Variants in ZFC3H1 observed in about 807,000 individuals in gnomAD.
The protein encoded by ZFC3H1 is zinc finger C3H1 domain-containing protein.
In ZFC3H1, 71 loss-of-function variants were observed where a neutral mutation model predicts 243.7. The ratio of observed to expected loss-of-function variants is 0.29; its 90% CI spans 0.24 to 0.36. The LOEUF is 0.36. Ranked by LOEUF, ZFC3H1 falls within the 10% of genes least tolerant of loss-of-function variation. The probability of loss-of-function intolerance (pLI) is 1.00; values close to 1 mark genes in which losing one functional copy is unlikely to be tolerated. For missense variants in ZFC3H1, 1,966 were observed against 2,317.1 expected (o/e 0.85, Z 3.11); for synonymous variants, 838 against 813.0 (o/e 1.03, Z -0.52).
chr12:71,610,821 ATC>A, intron 33 of ZFC3H1, 64 bp from the exon 34 acceptor site: 1 of 1,523,502 alleles, frequency 6.6e-7, no homozygotes, highest in Non-Finnish European at 9.0e-7. Flanking sequence ...TCATAATTCC[ATC>A]TGTTTAAAGA....
intron 2 of ZFC3H1, among the ~76,000 whole-genome samples, chr12:71,652,153 T>C (rs1457104345): frequency 6.6e-6 from 1 of 152,218 alleles, no homozygotes; most frequent in African/African-American, 2.4e-5. Context: ...CAGTAGAGTC[T>C]TGCTGAGGAT....
intron 2 of ZFC3H1, among the ~76,000 whole-genome samples, chr12:71,652,314 T>C (rs1880910031): frequency 6.6e-6 from 1 of 152,240 alleles, no homozygotes; most frequent in African/African-American, 2.4e-5. Flanking sequence ...ATTTTCTTGC[T>C]TAAAAATATT....
Position 71,631,867 on chromosome 12 carries a change from A to G in ZFC3H1, c.3381T>C (p.Asp1127=), listed in dbSNP as rs1880331655. ...LHGQEISVDV[D]FVTAQSKTME... The stretch of plus-strand genomic sequence containing the variant: ...TTGTTTTACTTTGTGCTGTGACAAA[A>G]TCCACATCTACAGAAATCTCCTGCA... Residue 1127 remains aspartate (D), a synonymous_variant, in exon 16 of 35, where the codon GAT becomes GAC. Transcript: ENST00000378743. 1 of 1,613,700 alleles carries G rather than the reference A, an allele frequency of 6.2e-7. No homozygotes were observed. Among genetic ancestry groups the G allele is most frequent in the South Asian group, 1.1e-5 (1 of 91,022 alleles).
chr12:71,633,161 T>C, intron 13 of ZFC3H1, 103 bp downstream of exon 13: 1 of 1,395,498 alleles, frequency 7.2e-7, no homozygotes, highest in Non-Finnish European at 9.6e-7. Flanking sequence ...CTATAGGTTA[T>C]GCATATTTTG....
chr12:71,644,979 C>T lies in ZFC3H1; in HGVS notation c.1177G>A (p.Val393Met). The T allele has an allele frequency of 5.0e-6, 8 of 1,613,630 alleles. No homozygotes were observed. Among genetic ancestry groups the T allele is most frequent in the Non-Finnish European group, 6.8e-6 (8 of 1,180,018 alleles). ...AACTTTTCTTTGCTTTCTTTCATCA[C>T]CTGCTGTTCTTTTTGTTGCCATTTT... ...SKKWQQKEQQ[V>M]MKESKEKLTK... Residue 393 changes from valine to methionine, a missense_variant, in exon 4 of 35, where the codon GTG becomes ATG. Physicochemically the swap from Val to Met is conservative, Grantham distance 21. Around this residue, in one of 4 missense-constraint regions of ZFC3H1, gnomAD observed 91 missense variants for 107.6 expected, o/e 0.85. Coordinates refer to ENST00000378743, the MANE Select transcript of ZFC3H1 (RefSeq NM_144982.5).
intron 3 of ZFC3H1, among the ~76,000 whole-genome samples, chr12:71,645,514 T>G (rs1000002241): frequency 1.3e-5 from 2 of 152,208 alleles, no homozygotes; most frequent in African/African-American, 4.8e-5. Context: ...TCACCAGTAA[T>G]AGAGAACAAC....
At position 71,626,327 on chromosome 12, in the gene ZFC3H1, T is replaced by C. The variant is rs1880165921; in HGVS notation, c.4250A>G (p.Lys1417Arg). The C allele has an allele frequency of 1.9e-6, 3 of 1,614,100 alleles. No homozygotes were observed. Among genetic ancestry groups the C allele is most frequent in the African/African-American group, 2.7e-5 (2 of 75,042 alleles). The part of the protein sequence containing the change: ...YLRLFSKRGT[K>R]DEVQEMCETA... The stretch of plus-strand genomic sequence containing the variant: ...TTCACACATTTCCTGCACCTCGTCC[T>C]TGGTTCCTCTTTTTGAGAACAATCT... Residue 1417 changes from lysine to arginine, a missense_variant, in exon 22 of 35, where the codon AAG becomes AGG. Around this residue, in one of 4 missense-constraint regions of ZFC3H1, gnomAD observed 1,383 missense variants for 1,723.7 expected, o/e 0.80. Coordinates refer to ENST00000378743, the MANE Select transcript of ZFC3H1 (RefSeq NM_144982.5).
intron 2 of ZFC3H1, among the ~76,000 whole-genome samples, chr12:71,654,935 G>C (rs946735160): frequency 1.3e-5 from 2 of 152,050 alleles, no homozygotes; most frequent in African/African-American, 4.8e-5. Context: ...AAACATCAGA[G>C]ATAAAGTCAC....
chr12:71,633,511 A>C (rs1371393101), intron 12 of ZFC3H1, 73 bp from the exon 13 acceptor site: 1 of 1,280,470 alleles, frequency 7.8e-7, no homozygotes, highest in Non-Finnish European at 1.1e-6. Context: ...AAAAATTTTC[A>C]AAGTAATAAC....
chr12:71,648,184 A>G (rs1320657909), intron 2 of ZFC3H1, among the ~76,000 whole-genome samples: 1 of 152,230 alleles, frequency 6.6e-6, no homozygotes, highest in Non-Finnish European at 1.5e-5. Flanking sequence ...AATGATGACT[A>G]AATTAATCCA....
Position 71,638,450 on chromosome 12 carries a change from A to G in ZFC3H1, c.1693T>C (p.Ser565Pro), listed in dbSNP as rs754122488. ...CSLGYFSPAP[S>P]LSLPPPPQVS... is the part of the protein sequence containing the mutation. ...TGAGGTGGTGGAGGCAAAGAAAGAG[A>G]TGGTGCTGGAGAAAAATACCCCAAT... The change falls in exon 7 of 35, where the codon TCT becomes CCT. Residue 565 changes from serine to proline, a missense_variant. By Grantham distance (74) the Ser-to-Pro change is moderately conservative (BLOSUM62 -1). Around this residue, in one of 4 missense-constraint regions of ZFC3H1, gnomAD observed 1,383 missense variants for 1,723.7 expected, o/e 0.80. Transcript: ENST00000378743. 2 of 1,613,112 alleles carry G rather than the reference A, an allele frequency of 1.2e-6. No homozygotes were observed. Among genetic ancestry groups the G allele is most frequent in the Non-Finnish European group, 1.7e-6 (2 of 1,179,716 alleles).
rs766334316 is a variant in ZFC3H1 at position 71,656,981 on chromosome 12, T to G, written c.919A>C (p.Lys307Gln). ...QAFELKPLRQ[K>Q]LTLPGDKNRL... ...TTCTTATCTCCTGGTAAAGTCAATT[T>G]TTGCCTGAGTGGTTTTAATTCAAAT... The change falls in exon 2 of 35, where the codon AAA (lysine) becomes CAA (glutamine). Residue 307 changes from lysine to glutamine, a missense_variant. Lys to Gln is a moderately conservative substitution (Grantham distance 53). Around this residue, in one of 4 missense-constraint regions of ZFC3H1, gnomAD observed 484 missense variants for 449.7 expected, o/e 1.08. Transcript: ENST00000378743. 2.5e-6 allele frequency: 4 copies of G among 1,613,846 alleles called. No individual in the cohort carries two copies. The highest frequency in any genetic ancestry group is 2.5e-6 in the Non-Finnish European group (3 of 1,179,936).
intron 1 of ZFC3H1, among the ~76,000 whole-genome samples, chr12:71,662,148 GGAT>G (rs1263249529): frequency 6.6e-6 from 1 of 152,096 alleles, no homozygotes; most frequent in African/African-American, 2.4e-5. Context: ...GGAAACCTTC[GGAT>G]GATTGATTCC....
At chr12:71,633,775 C>T (rs544654759) in intron 12 of ZFC3H1, among the ~76,000 whole-genome samples, 2 of 152,282 alleles carry the variant, frequency 1.3e-5, no homozygotes, top group Non-Finnish European at 2.9e-5. Context: ...CCGCCTCAGC[C>T]TCCCAAGTAG....
chr12:71,611,939 C>T (rs929473288), intron 31 of ZFC3H1, 52 bp from the exon 32 acceptor site: 5 of 1,129,422 alleles, frequency 4.4e-6, no homozygotes, highest in Non-Finnish European at 6.5e-6. Context: ...GTAACGAACC[C>T]CAAATGTGCT....
At chr12:71,628,783 C>A in intron 20 of ZFC3H1, 135 bp downstream of exon 20, 1 of 834,678 alleles carries the variant, frequency 1.2e-6, no homozygotes, top group Non-Finnish European at 1.7e-6. Flanking sequence ...TGTCTAAAAA[C>A]CCAATGGCAT....
intron 27 of ZFC3H1, among the ~76,000 whole-genome samples, chr12:71,616,623 C>A (rs1879900395): frequency 6.6e-6 from 1 of 152,088 alleles, no homozygotes; most frequent in African/African-American, 2.4e-5. Flanking sequence ...ATGATACTTA[C>A]CACCATCTTT....
chr12:71,617,239 G>A (rs1273468699), intron 27 of ZFC3H1, among the ~76,000 whole-genome samples: 1 of 152,138 alleles, frequency 6.6e-6, no homozygotes, highest in Non-Finnish European at 1.5e-5. Flanking sequence ...TATACAATAA[G>A]TATGGCAATG....
chr12:71,621,279 A>G (rs1413731789), intron 24 of ZFC3H1, among the ~76,000 whole-genome samples: 1 of 151,592 alleles, frequency 6.6e-6, no homozygotes, highest in Non-Finnish European at 1.5e-5. Context: ...ATGTATTGAT[A>G]ATTGTCCAAT....
Sources: gnomAD v4.1 joint callset for allele counts (sites outside exome capture counted in the v4.1 genomes callset) on GRCh38, gnomAD v4.1.1 for gene constraint, gnomAD v4.1.1 regional missense constraint, MANE v1.5 for transcripts, NCBI Gene and HGNC (gene_info 2026-07-23, HGNC 2026-07-21) for gene names.